Variants in ERICH1 observed in about 807,000 individuals in gnomAD.
ERICH1 encodes the protein glutamate-rich protein 1.
In ERICH1, 56 loss-of-function variants were observed where a neutral mutation model predicts 39.6. The observed-to-expected ratio is 1.41, with a 90% CI of 1.14 to 1.77. The LOEUF is 1.77. Ranked by LOEUF, ERICH1 falls within the 40% of genes most tolerant of loss-of-function variation. The probability of loss-of-function intolerance (pLI) is 0.00; values close to 1 mark genes in which losing one functional copy is unlikely to be tolerated. For synonymous variants in ERICH1, 313 were observed against 223.6 expected (o/e 1.40, Z -3.57); for missense variants, 826 against 575.4 (o/e 1.44, Z -4.45).
chr8:618,188 CTG>C (rs1170453200), intron 3 of ERICH1, among the ~76,000 whole-genome samples: 1 of 150,956 alleles, frequency 6.6e-6, no homozygotes, highest in Admixed American at 6.6e-5. Flanking sequence ...TCTGTTCTCA[CTG>C]CCCTCTGAGT....
In ERICH1 at chr8:640,893, C is replaced by G. The variant is rs541418529; in HGVS notation, c.977-25609G>C. ...TTGTTAATTTTCTTAAAAATCTCAA[C>G]TTTGTTTCAATTAAGACTTCAAAAC... On this transcript the variant is annotated intron_variant, in intron 3 of 3. Transcript: ENST00000522706. The G allele has an allele frequency of 7.9e-5, 12 of 152,332 alleles. No homozygotes were observed. In the East Asian group the frequency reaches 2.3e-3, roughly 29 times the overall value. The allele number at this position is 152,332 out of a possible 1,614,324, so 9.4% of individuals were successfully genotyped here. A position where few individuals can be genotyped will look rare whatever the true frequency, so the allele number is the denominator to read the frequency against.
chr8:668,039 C>G (rs1802548758), intron 5 of ERICH1: 1 of 178,568 alleles, frequency 5.6e-6, no homozygotes, highest in Non-Finnish European at 1.2e-5. Context: ...AATGGCTCAA[C>G]AGCCTGAATT....
At chr8:675,179 C>T (rs1210850873) in intron 3 of ERICH1, among the ~76,000 whole-genome samples, 1 of 59,864 alleles carries the variant, frequency 1.7e-5, no homozygotes, top group East Asian at 5.7e-4. Context: ...ACGCGGCGGC[C>T]CCTCGTGAGG....
At chr8:672,778 C>A (rs908466356) in intron 4 of ERICH1, among the ~76,000 whole-genome samples, 8 of 152,222 alleles carry the variant, frequency 5.3e-5, no homozygotes, top group Non-Finnish European at 7.3e-5. Context: ...AACAACTGCA[C>A]AATAATGCAT....
At chr8:634,183 A>AAAAAAAAAAAAAAAAAAAAACAAAC in intron 3 of ERICH1, among the ~76,000 whole-genome samples, 1 of 135,808 alleles carries the variant, frequency 7.4e-6, no homozygotes, top group African/African-American at 2.9e-5. Flanking sequence ...AAAAAAAAAA[A>AAAAAAAAAAAAAAAAAAAAACAAAC]AAACAAACAA....
At position 679,489 on chromosome 8, in the gene ERICH1, C is replaced by T. The variant is rs75484252; in HGVS notation, c.305-5442G>A. Among the ~76,000 whole-genome samples the T allele has an allele frequency of 8.9e-3, 1,347 of 151,600 alleles. 18 individuals carry two copies. The highest frequency in any genetic ancestry group is 0.031 in the African/African-American group (1,281 of 41,018). On this transcript the variant is annotated intron_variant, in intron 3 of 5. Coordinates refer to ENST00000262109, the MANE Select transcript of ERICH1 (RefSeq NM_207332.3). Reference sequence around the variant, plus strand: ...ACCCCTCGCAGCTCTGTGAGGCCTCCAGCGTCTCCACTCCCCTGACAAGGG... The same window carrying T: ...ACCCCTCGCAGCTCTGTGAGGCCTCTAGCGTCTCCACTCCCCTGACAAGGG...
chr8:717,305 C>G (rs1816240760), intron 1 of ERICH1, among the ~76,000 whole-genome samples: 1 of 152,312 alleles, frequency 6.6e-6, no homozygotes, highest in East Asian at 1.9e-4. Context: ...AGTGCACTAG[C>G]ACAGGATACC....
intron 3 of ERICH1, among the ~76,000 whole-genome samples, chr8:627,635 C>T (rs1312620119): frequency 2.6e-5 from 4 of 152,232 alleles, no homozygotes; most frequent in East Asian, 1.9e-4. Context: ...CTGGCCTTCA[C>T]GGAGGTCCGG....
intron 3 of ERICH1, chr8:615,594 A>T (rs1380148448): frequency 1.4e-5 from 4 of 286,184 alleles, no homozygotes; most frequent in Admixed American, 5.0e-5. Flanking sequence ...AATGCTATGA[A>T]CTATCCCTGA....
chr8:706,893 T>C (rs1007489576), intron 2 of ERICH1, among the ~76,000 whole-genome samples: 1 of 152,174 alleles, frequency 6.6e-6, no homozygotes, highest in African/African-American at 2.4e-5. Flanking sequence ...CTGGACAATG[T>C]AATAGTGTTA....
intron 3 of ERICH1, among the ~76,000 whole-genome samples, chr8:655,741 CCT>C (rs1316743177): frequency 1.3e-5 from 2 of 150,738 alleles, no homozygotes; most frequent in African/African-American, 4.9e-5. Context: ...CCATTCCACT[CCT>C]CTCTCATGCA....
intron 3 of ERICH1, among the ~76,000 whole-genome samples, chr8:655,765 G>A (rs886076528): frequency 1.3e-4 from 18 of 140,114 alleles, no homozygotes; most frequent in Non-Finnish European, 2.4e-4. Context: ...AGTCACACAC[G>A]GTAGACAGTG....
chr8:625,832 C>G (rs929407404), intron 3 of ERICH1: 3 of 152,178 alleles, frequency 2.0e-5, no homozygotes, highest in Admixed American at 2.0e-4. Context: ...CAGTCATGTT[C>G]TTTGTTACGC....
chr8:630,937 G>A (rs1797989739), intron 3 of ERICH1, among the ~76,000 whole-genome samples: 1 of 143,602 alleles, frequency 7.0e-6, no homozygotes, highest in African/African-American at 2.7e-5. Flanking sequence ...CACAGACAGA[G>A]CTGACACACA....
intron 4 of ERICH1, among the ~76,000 whole-genome samples, chr8:672,761 C>A (rs1803718437): frequency 1.3e-5 from 2 of 152,194 alleles, no homozygotes; most frequent in Non-Finnish European, 2.9e-5. Flanking sequence ...TATCTTATGT[C>A]AGTACAAACA....
intron 2 of ERICH1, among the ~76,000 whole-genome samples, chr8:708,319 A>G (rs370842464): frequency 6.6e-6 from 1 of 152,224 alleles, no homozygotes; most frequent in South Asian, 2.1e-4. Flanking sequence ...ACATACGTCC[A>G]CACCAGGCCA....
intron 3 of ERICH1, among the ~76,000 whole-genome samples, chr8:635,998 C>G (rs1386575366): frequency 6.6e-6 from 1 of 152,252 alleles, no homozygotes; most frequent in Non-Finnish European, 1.5e-5. Flanking sequence ...CAGAAACAGC[C>G]CAAAGCTGCA....
chr8:704,371 G>C (rs991644090), intron 2 of ERICH1, among the ~76,000 whole-genome samples: 3 of 152,284 alleles, frequency 2.0e-5, no homozygotes, highest in Non-Finnish European at 4.4e-5. Context: ...TCTGGAAGAG[G>C]CCACGGAAGA....
Position 731,165 on chromosome 8 carries a change from G to A in ERICH1, c.-4C>T, listed in dbSNP as rs947122024. 2 of 1,508,260 alleles carry A rather than the reference G, an allele frequency of 1.3e-6. No homozygotes were observed. The highest frequency in any genetic ancestry group is 1.8e-6 in the Non-Finnish European group (2 of 1,130,632). 93.4% of individuals were successfully genotyped at this position (1,508,260 alleles called of 1,614,324 possible). A position where few individuals can be genotyped will look rare whatever the true frequency, so the allele number is the denominator to read the frequency against. Reference sequence around the variant, plus strand: ...CGTGCTTCCTGTGCGCCGCCATGCGGGACCCTGCCGCGGACCTCAGACCAC... The same window carrying A: ...CGTGCTTCCTGTGCGCCGCCATGCGAGACCCTGCCGCGGACCTCAGACCAC... On this transcript the variant is annotated 5_prime_UTR_variant, in exon 1 of 6. Coordinates refer to ENST00000262109, the MANE Select transcript of ERICH1 (RefSeq NM_207332.3).
Sources: allele counts gnomAD v4.1 joint callset (sites outside exome capture counted in the v4.1 genomes callset), GRCh38; gene constraint gnomAD v4.1.1; transcripts MANE v1.5; gene names NCBI Gene and HGNC (gene_info 2026-07-23, HGNC 2026-07-21).